FRMD3: variants seen among roughly 807,000 people sequenced by gnomAD.
FRMD3 encodes the protein FERM domain-containing protein 3.
In FRMD3, 33 loss-of-function variants were observed where a neutral mutation model predicts 70.2. That is an observed-to-expected ratio of 0.47 (90% CI 0.36 to 0.63). The LOEUF (loss-of-function observed/expected upper bound fraction) is 0.63. Ranked by LOEUF, FRMD3 falls within the 20% of genes least tolerant of loss-of-function variation. FRMD3 has a pLI of 0.00. For missense variants in FRMD3, 632 were observed against 711.4 expected (o/e 0.89, Z 1.27); for synonymous variants, 279 against 255.9 (o/e 1.09, Z -0.86).
chr9:83,512,560 G>T (rs1345055133), intron 1 of FRMD3, among the ~76,000 whole-genome samples: 1 of 152,160 alleles, frequency 6.6e-6, no homozygotes, highest in African/African-American at 2.4e-5. Context: ...AAACCCATCT[G>T]CGGAAATGAC....
rs1162864615 is a variant in FRMD3 at position 83,349,757 on chromosome 9, G to A, written c.296C>T (p.Thr99Ile). 6.2e-7 allele frequency: 1 copy of A among 1,606,808 alleles called. No homozygotes were observed. Among genetic ancestry groups the A allele is most frequent in the East Asian group, 2.2e-5 (1 of 44,848 alleles). Residue 99 changes from threonine (T) to isoleucine (I), a missense_variant and splice_region_variant, in exon 4 of 14, where the codon ACT becomes ATT. Thr to Ile is a moderately conservative substitution (Grantham distance 89). Around this residue, in one of 3 missense-constraint regions of FRMD3, gnomAD observed 208 missense variants for 247.7 expected, o/e 0.84. Transcript: ENST00000304195. Reference sequence around the variant, plus strand: ...AAAGCACATGGTGTATGGTGGATGAGCTGAAACATCATAAAGAAAAGGCAT... The same window carrying A: ...AAAGCACATGGTGTATGGTGGATGAACTGAAACATCATAAAGAAAAGGCAT... ...PNKSIFKQMK[T>I]HPPYTMCFRV...
At chr9:83,499,876 C>A (rs1389263721) in intron 1 of FRMD3, among the ~76,000 whole-genome samples, 2 of 152,136 alleles carry the variant, frequency 1.3e-5, no homozygotes, top group Non-Finnish European at 2.9e-5. Context: ...TGAATAGTTA[C>A]ACAAACTGTG....
intron 1 of FRMD3, among the ~76,000 whole-genome samples, chr9:83,521,390 G>A (rs1829568348): frequency 6.6e-6 from 1 of 152,192 alleles, no homozygotes; most frequent in Non-Finnish European, 1.5e-5. Context: ...TGAGGCTGGA[G>A]CAGGAGGATC....
chr9:83,276,293 T>A (rs1431395927), intron 13 of FRMD3: 3 of 152,218 alleles, frequency 2.0e-5, no homozygotes, highest in Admixed American at 2.0e-4. Context: ...CCATACAGGA[T>A]GAATTTGTTT....
At chr9:83,343,320 C>G in intron 4 of FRMD3, 33 bp from the exon 5 acceptor site, 1 of 1,475,082 alleles carries the variant, frequency 6.8e-7, no homozygotes, top group Non-Finnish European at 9.5e-7. Flanking sequence ...GTCACTCTAA[C>G]TTTTGGCTGA....
At chr9:83,313,466 C>A (rs1646908361) in intron 7 of FRMD3, among the ~76,000 whole-genome samples, 194 bp downstream of exon 7, 1 of 152,136 alleles carries the variant, frequency 6.6e-6, no homozygotes, top group Non-Finnish European at 1.5e-5. Context: ...AATCAATGAA[C>A]AATTGGAAGA....
intron 13 of FRMD3, among the ~76,000 whole-genome samples, chr9:83,260,345 T>C (rs1365597044): frequency 6.6e-6 from 1 of 152,158 alleles, no homozygotes; most frequent in Non-Finnish European, 1.5e-5. Context: ...CCAAAGCCCA[T>C]GCTTTCTCCA....
At chr9:83,331,987 G>T in intron 6 of FRMD3, 1 of 684,128 alleles carries the variant, frequency 1.5e-6, no homozygotes, top group Non-Finnish European at 2.7e-6. Context: ...TCTTTTCCTT[G>T]TGGCTCAACA....
chr9:83,465,603 G>A (rs1828105679), intron 1 of FRMD3, among the ~76,000 whole-genome samples: 1 of 151,770 alleles, frequency 6.6e-6, no homozygotes, highest in Admixed American at 6.6e-5. Flanking sequence ...TTCTCTATAT[G>A]CCTGAATTTC....
intron 6 of FRMD3, among the ~76,000 whole-genome samples, chr9:83,329,702 T>C (rs989200315): frequency 6.6e-6 from 1 of 152,228 alleles, no homozygotes; most frequent in Non-Finnish European, 1.5e-5. Flanking sequence ...ATCATTATAG[T>C]GTGGCTAGTT....
intron 5 of FRMD3, among the ~76,000 whole-genome samples, chr9:83,337,900 T>C (rs1823630955): frequency 6.6e-6 from 1 of 152,168 alleles, no homozygotes; most frequent in Non-Finnish European, 1.5e-5. Context: ...AAAGGGGAAA[T>C]TGATTAATTT....
intron 10 of FRMD3, among the ~76,000 whole-genome samples, chr9:83,304,943 CAG>C (rs575755642): frequency 7.2e-5 from 11 of 152,202 alleles, no homozygotes; most frequent in Non-Finnish European, 1.2e-4. Flanking sequence ...AGGCAGATCT[CAG>C]AGCCAGGGCT....
In FRMD3 at chr9:83,323,268, C is replaced by T. The variant is rs3903844; in HGVS notation, c.597-9521G>A. 6.6e-3 allele frequency among the ~76,000 whole-genome samples: 1,000 copies of T among 152,118 alleles called. 11 individuals carry two copies. Among genetic ancestry groups the T allele is most frequent in the African/African-American group, 0.022 (926 of 41,504 alleles). On this transcript the variant is annotated intron_variant, in intron 6 of 13. Transcript: ENST00000304195. ...ATTTGTAATAGCAAAAACTAGAAAA[C>T]AACTCAAATGTCTATCAAGAGTAGA...
At chr9:83,286,173 T>C (rs960732387) in intron 13 of FRMD3, among the ~76,000 whole-genome samples, 8 of 152,194 alleles carry the variant, frequency 5.3e-5, no homozygotes, top group African/African-American at 1.4e-4. Context: ...TGGGTGGTCA[T>C]GACCCCAGAG....
intron 1 of FRMD3, among the ~76,000 whole-genome samples, chr9:83,396,079 A>C (rs967647791): frequency 2.0e-5 from 3 of 152,216 alleles, no homozygotes; most frequent in African/African-American, 7.2e-5. Context: ...ATGAGGAAAA[A>C]TGAACTCAGA....
intron 1 of FRMD3, among the ~76,000 whole-genome samples, chr9:83,442,794 A>T (rs1010447517): frequency 6.6e-6 from 1 of 151,086 alleles, no homozygotes; most frequent in Admixed American, 6.6e-5. Flanking sequence ...CCTCCCTTTC[A>T]TCTCCCCTCT....
At chr9:83,400,332 T>A (rs921418759) in intron 1 of FRMD3, among the ~76,000 whole-genome samples, 1 of 152,112 alleles carries the variant, frequency 6.6e-6, no homozygotes, top group Non-Finnish European at 1.5e-5. Context: ...TAGGGATAAC[T>A]CTAACAAAAT....
At chr9:83,328,760 C>T (rs926597684) in intron 6 of FRMD3, among the ~76,000 whole-genome samples, 7 of 151,930 alleles carry the variant, frequency 4.6e-5, no homozygotes, top group South Asian at 2.1e-4. Context: ...GGCTGCTCTT[C>T]GATAAATATT....
At chr9:83,517,511 A>C (rs931078587) in intron 1 of FRMD3, among the ~76,000 whole-genome samples, 3 of 150,828 alleles carry the variant, frequency 2.0e-5, no homozygotes, top group African/African-American at 4.9e-5. Flanking sequence ...AAAAAAAAAA[A>C]AAAAAAACAA....
Sources: allele counts gnomAD v4.1 joint callset (sites outside exome capture counted in the v4.1 genomes callset), GRCh38; gene constraint gnomAD v4.1.1; regional missense constraint gnomAD v4.1.1; transcripts MANE v1.5; gene names NCBI Gene and HGNC (gene_info 2026-07-23, HGNC 2026-07-21).